The following TLK1 variants were observed in gnomAD, a reference collection of about 807,000 sequenced individuals.
TLK1 encodes serine/threonine-protein kinase tousled-like 1.
A neutral mutation model predicts 105.3 loss-of-function variants in TLK1; 24 were observed. The ratio of observed to expected loss-of-function variants is 0.23; its 90% CI spans 0.17 to 0.32. TLK1 has a LOEUF of 0.32. Among genes scored for constraint, TLK1 ranks in the 10% least tolerant of loss-of-function variants. The pLI is 1.00. For synonymous variants in TLK1, 321 were observed against 310.4 expected, an observed-to-expected ratio of 1.03 and a Z score of -0.36; for missense variants, 558 against 910.5, an observed-to-expected ratio of 0.61 and a Z score of 4.98.
chr2:171,079,290 C>T (rs1688645802), intron 3 of TLK1, among the ~76,000 whole-genome samples: 1 of 152,200 alleles, frequency 6.6e-6, no homozygotes, highest in Admixed American at 6.5e-5. Context: ...GAAGGAAGAC[C>T]TCTTTGCTTC....
chr2:171,112,615 A>G (rs764504650), intron 2 of TLK1, among the ~76,000 whole-genome samples: 2 of 152,228 alleles, frequency 1.3e-5, no homozygotes, highest in Non-Finnish European at 2.9e-5. Flanking sequence ...AAAAATATGT[A>G]TTTAAGGTAT....
intron 1 of TLK1, among the ~76,000 whole-genome samples, chr2:171,178,119 A>G (rs1361583670): frequency 1.3e-5 from 2 of 152,112 alleles, no homozygotes; most frequent in Non-Finnish European, 2.9e-5. Context: ...AATGCTTACT[A>G]TATGCTAGGT....
upstream of TLK1, chr2:171,160,969 G>GGCGGCGGCGGCA (rs1253469844): frequency 5.4e-6 from 1 of 184,872 alleles, no homozygotes; most frequent in African/African-American, 2.5e-5. This position sits in a 1 kb window ranked among gnomAD's most constrained non-coding sequence, Gnocchi z 4.4. Flanking sequence ...CTCCGGTAGC[G>GGCGGCGGCGGCA]GCGGCGGCGG....
At chr2:170,998,845 T>C (rs1264067330) in intron 18 of TLK1, among the ~76,000 whole-genome samples, 1 of 152,220 alleles carries the variant, frequency 6.6e-6, no homozygotes, top group Non-Finnish European at 1.5e-5. Context: ...CATAGCTCAC[T>C]GCAGCCTCAC....
At chr2:171,044,160 G>A (rs955767957) in intron 11 of TLK1, among the ~76,000 whole-genome samples, 3 of 152,148 alleles carry the variant, frequency 2.0e-5, no homozygotes, top group African/African-American at 7.2e-5. Context: ...AGTGGCTCAT[G>A]CCTGTGATCC....
At chr2:171,187,057 C>CAAAAAAAAAAAAAAAAAAA (rs71013019) in intron 1 of TLK1, among the ~76,000 whole-genome samples, 43 of 33,978 alleles carry the variant, frequency 1.3e-3, no homozygotes, top group Non-Finnish European at 1.7e-3. Flanking sequence ...GACTCTGTCT[C>CAAAAAAAAAAAAAAAAAAA]AAAAAAAAAA....
chr2:171,191,339 T>TG (rs1169278002), intron 1 of TLK1, among the ~76,000 whole-genome samples: 1 of 151,598 alleles, frequency 6.6e-6, no homozygotes, highest in Non-Finnish European at 1.5e-5. Context: ...GAGGCCAAGG[T>TG]GGAAGTTTCA....
chr2:171,202,681 G>A (rs1053011273), intron 1 of TLK1, among the ~76,000 whole-genome samples: 22 of 151,954 alleles, frequency 1.4e-4, no homozygotes, highest in African/African-American at 4.8e-4. Context: ...GGCTTGAATC[G>A]GGGAGGCAGA....
intron 1 of TLK1, among the ~76,000 whole-genome samples, chr2:171,144,988 G>C (rs943855235): frequency 2.0e-5 from 3 of 152,122 alleles, no homozygotes; most frequent in Non-Finnish European, 4.4e-5. Flanking sequence ...TTAGTCATCA[G>C]GGAAATGAAA....
At chr2:171,076,274 T>C (rs1183878526) in intron 3 of TLK1, among the ~76,000 whole-genome samples, 3 of 151,912 alleles carry the variant, frequency 2.0e-5, no homozygotes, top group South Asian at 4.2e-4. Flanking sequence ...ATGCCATTAT[T>C]GTGGGGATGG....
At chr2:171,164,394 A>G (rs1221072559), upstream of TLK1, among the ~76,000 whole-genome samples, 2 of 152,202 alleles carry the variant, frequency 1.3e-5, no homozygotes, top group Admixed American at 6.5e-5. Context: ...GTATGCATCA[A>G]AAACACTGGA....
chr2:171,078,817 T>C (rs1688625682), intron 3 of TLK1, among the ~76,000 whole-genome samples: 1 of 152,228 alleles, frequency 6.6e-6, no homozygotes, highest in Non-Finnish European at 1.5e-5. Context: ...AAGAAGGCTG[T>C]ATTCCTTAAT....
At chr2:171,014,771 G>T in intron 13 of TLK1, 80 bp downstream of exon 13, 1 of 1,071,772 alleles carries the variant, frequency 9.3e-7, no homozygotes, top group Non-Finnish European at 1.4e-6. Context: ...AACCCAAGAA[G>T]GAAATATTGT....
At chr2:171,154,360 C>G (rs1414221543) in intron 1 of TLK1, 1 of 151,994 alleles carries the variant, frequency 6.6e-6, no homozygotes, top group African/African-American at 2.4e-5. Context: ...CCTTTGAGAG[C>G]CTCTAATCCA....
chr2:171,014,673 G>A (rs1685087882), intron 13 of TLK1, among the ~76,000 whole-genome samples, 178 bp downstream of exon 13: 1 of 152,166 alleles, frequency 6.6e-6, no homozygotes, highest in African/African-American at 2.4e-5. Flanking sequence ...TAAGAGAAGT[G>A]AGGACAGTAA....
At chr2:171,160,966 A>AGCG (rs546390551), upstream of TLK1, 6,803 of 155,354 alleles carry the variant, frequency 0.044, 178 homozygotes, top group Admixed American at 0.061. The surrounding 1 kb of genome is among the most constrained non-coding windows in gnomAD (Gnocchi z 4.4). Context: ...CGCCTCCGGT[A>AGCG]GCGGCGGCGG....
At chr2:171,015,282 G>T (rs1009466809) in intron 12 of TLK1, among the ~76,000 whole-genome samples, 8 of 143,284 alleles carry the variant, frequency 5.6e-5, no homozygotes, top group Non-Finnish European at 1.1e-4. Context: ...TCTAGTCCAT[G>T]CAAATTTTAA....
At chr2:171,210,467 C>G (rs1209706536) in intron 1 of TLK1, among the ~76,000 whole-genome samples, 1 of 152,012 alleles carries the variant, frequency 6.6e-6, no homozygotes, top group Non-Finnish European at 1.5e-5. Context: ...GGCTGCTCCC[C>G]ACCAAGACCA....
intron 14 of TLK1, among the ~76,000 whole-genome samples, chr2:171,007,693 G>A (rs1684711881): frequency 6.6e-6 from 1 of 151,834 alleles, no homozygotes; most frequent in Non-Finnish European, 1.5e-5. Context: ...CCCAACCAGA[G>A]TATTATTAAA....
Sources: allele counts gnomAD v4.1 joint callset (sites outside exome capture counted in the v4.1 genomes callset), GRCh38; gene constraint gnomAD v4.1.1; non-coding constraint Gnocchi (gnomAD v3.1); transcripts MANE v1.5; gene names NCBI Gene and HGNC (gene_info 2026-07-23, HGNC 2026-07-21).